The following DIAPH3 variants were observed in gnomAD, a reference collection of about 807,000 sequenced individuals.
The protein encoded by DIAPH3 is diaphanous related formin 3, also known as protein diaphanous homolog 3.
In DIAPH3, 117 loss-of-function variants were observed where a neutral mutation model predicts 144.3. That is an observed-to-expected ratio of 0.81 (90% CI 0.70 to 0.95). The LOEUF is 0.95. DIAPH3 is among the 40% of genes least tolerant of loss of function. DIAPH3 has a pLI of 0.00. For missense variants in DIAPH3, 1,421 were observed against 1,412.7 expected, an observed-to-expected ratio of 1.01 and a Z score of -0.09; for synonymous variants, 519 against 488.9, an observed-to-expected ratio of 1.06 and a Z score of -0.81.
Position 59,765,954 on chromosome 13 carries a change from C to G in DIAPH3, c.3319+8235G>C, listed in dbSNP as rs531904096. ...CTCAGCTGCAGTAGGGTCCCCCATCCCTGCCATAATGCCTACTACAGATGG... is the reference window on the plus strand; with the variant it reads ...CTCAGCTGCAGTAGGGTCCCCCATCGCTGCCATAATGCCTACTACAGATGG... On this transcript the variant is annotated intron_variant, in intron 27 of 27. Coordinates refer to ENST00000400324, the MANE Select transcript of DIAPH3 (RefSeq NM_001042517.2). Among the ~76,000 whole-genome samples, 24 of 152,286 alleles carry G rather than the reference C, an allele frequency of 1.6e-4. 1 individual carries two copies. Among genetic ancestry groups the G allele is most frequent in the Middle Eastern group, 3.4e-3 (1 of 294 alleles).
chr13:60,052,829 G>C lies in DIAPH3; in HGVS notation c.496-10009C>G, dbSNP rs570924873. On this transcript the variant is annotated intron_variant, in intron 4 of 27. Coordinates refer to ENST00000400324, the MANE Select transcript of DIAPH3 (RefSeq NM_001042517.2). ...TACAAAAATTAGCCAGGTTTGGTAG[G>C]ATCCATCTGTAGTCCCAGCTACTTG... 7.3e-5 allele frequency among the ~76,000 whole-genome samples: 11 copies of C among 151,234 alleles called. No individual in the cohort carries two copies. The East Asian group carries it at 1.2e-3, about 16-fold the overall frequency.
At chr13:59,766,254 C>T (rs2037853732) in intron 27 of DIAPH3, among the ~76,000 whole-genome samples, 1 of 152,132 alleles carries the variant, frequency 6.6e-6, no homozygotes. Flanking sequence ...GGCTACTTTT[C>T]TTACCATGGA....
intron 27 of DIAPH3, among the ~76,000 whole-genome samples, chr13:59,667,323 G>A (rs1382084123): frequency 6.6e-6 from 1 of 152,190 alleles, no homozygotes; most frequent in Non-Finnish European, 1.5e-5. Context: ...TAGAATGTGT[G>A]CTCCAAGACA....
intron 7 of DIAPH3, among the ~76,000 whole-genome samples, chr13:60,012,174 T>C (rs2053314172): frequency 6.6e-6 from 1 of 152,234 alleles, no homozygotes; most frequent in Non-Finnish European, 1.5e-5. Flanking sequence ...AAATCCTATT[T>C]ATAACTTTCC....
intron 2 of DIAPH3, among the ~76,000 whole-genome samples, chr13:60,130,442 C>T (rs1420272915): frequency 6.6e-6 from 1 of 152,156 alleles, no homozygotes; most frequent in Non-Finnish European, 1.5e-5. Context: ...CCAGGAGAGA[C>T]AGACGTGTAC....
chr13:59,788,549 G>A (rs2039153254), intron 25 of DIAPH3, among the ~76,000 whole-genome samples: 1 of 152,104 alleles, frequency 6.6e-6, no homozygotes, highest in African/African-American at 2.4e-5. Context: ...TTACATGTGT[G>A]GAAAAACATG....
chr13:59,698,603 G>A (rs533933153), intron 27 of DIAPH3, among the ~76,000 whole-genome samples: 1 of 152,164 alleles, frequency 6.6e-6, no homozygotes, highest in South Asian at 2.1e-4. Flanking sequence ...ATAAATATTA[G>A]AACAAATGTG....
chr13:59,882,456 G>A (rs1352409959), intron 20 of DIAPH3, among the ~76,000 whole-genome samples: 1 of 152,052 alleles, frequency 6.6e-6, no homozygotes, highest in Non-Finnish European at 1.5e-5. Flanking sequence ...GGTTAAGAAG[G>A]GGGAAAATAT....
At chr13:59,790,338 T>C (rs1404521042) in intron 25 of DIAPH3, among the ~76,000 whole-genome samples, 1 of 152,216 alleles carries the variant, frequency 6.6e-6, no homozygotes, top group Admixed American at 6.5e-5. Context: ...CAGAACCATA[T>C]AGATATCACA....
chr13:60,107,721 G>A (rs997428881), intron 3 of DIAPH3, among the ~76,000 whole-genome samples: 1 of 152,122 alleles, frequency 6.6e-6, no homozygotes, highest in East Asian at 1.9e-4. Flanking sequence ...CCCAGTAAAA[G>A]AATAGAACAT....
chr13:59,838,495 T>G (rs2042160151), intron 23 of DIAPH3: 1 of 152,078 alleles, frequency 6.6e-6, no homozygotes, highest in South Asian at 2.1e-4. Context: ...ATAAACTCCA[T>G]TTTGATTTTA....
At chr13:59,951,876 T>C (rs2049115021) in intron 17 of DIAPH3, among the ~76,000 whole-genome samples, 1 of 152,274 alleles carries the variant, frequency 6.6e-6, no homozygotes, top group Non-Finnish European at 1.5e-5. Context: ...TAGCTAAACA[T>C]AGAATTACCA....
chr13:59,867,715 A>G (rs946941109), intron 21 of DIAPH3, among the ~76,000 whole-genome samples: 1 of 152,118 alleles, frequency 6.6e-6, no homozygotes, highest in African/African-American at 2.4e-5. Context: ...TACATTATCT[A>G]CTGCGTTGCA....
At chr13:59,952,648 G>T (rs1223242943) in intron 17 of DIAPH3, among the ~76,000 whole-genome samples, 1 of 152,040 alleles carries the variant, frequency 6.6e-6, no homozygotes, top group African/African-American at 2.4e-5. Flanking sequence ...ATTATTCTCT[G>T]AATTTTTTTA....
At position 59,991,214 on chromosome 13, in the gene DIAPH3, T is replaced by C; in HGVS notation, c.1305A>G (p.Gly435=). The C allele has an allele frequency of 1.2e-6, 2 of 1,611,402 alleles. No homozygotes were observed. Among genetic ancestry groups the C allele is most frequent in the Non-Finnish European group, 1.7e-6 (2 of 1,178,682 alleles). ...GATGCTGAAGAATAGAAATAAAATATCCCTCTGCTCTAGTTTCTTTAACTG... is the reference window on the plus strand; with the variant it reads ...GATGCTGAAGAATAGAAATAAAATACCCCTCTGCTCTAGTTTCTTTAACTG... ...WSTVKETRAE[G]YFISILQHLL... The change falls in exon 12 of 28, where the codon GGA becomes GGG. Residue 435 remains glycine (G), a synonymous_variant. Coordinates refer to ENST00000400324, the MANE Select transcript of DIAPH3 (RefSeq NM_001042517.2).
chr13:59,778,548 G>A (rs2038550631), intron 25 of DIAPH3, among the ~76,000 whole-genome samples: 1 of 152,256 alleles, frequency 6.6e-6, no homozygotes, highest in Non-Finnish European at 1.5e-5. Flanking sequence ...TAGATGGACA[G>A]GGGTCCAGGG....
chr13:59,947,326 A>G (rs1008833769), intron 17 of DIAPH3, among the ~76,000 whole-genome samples: 2 of 152,200 alleles, frequency 1.3e-5, no homozygotes, highest in African/African-American at 4.8e-5. Context: ...AGGAAATGTC[A>G]TTATCACAAA....
intron 3 of DIAPH3, among the ~76,000 whole-genome samples, chr13:60,104,566 G>GCACACACACACACACACACACA (rs10633554): frequency 6.8e-6 from 1 of 147,026 alleles, no homozygotes; most frequent in African/African-American, 2.5e-5. Flanking sequence ...CAGTATCAAG[G>GCACACACACACACACACACACA]CACACACACA....
intron 5 of DIAPH3, among the ~76,000 whole-genome samples, chr13:60,020,684 G>A (rs2053956220): frequency 6.6e-6 from 1 of 152,078 alleles, no homozygotes; most frequent in South Asian, 2.1e-4. Flanking sequence ...TTTATTAAAG[G>A]GCACACTGTA....
Sources: allele counts gnomAD v4.1 joint callset (sites outside exome capture counted in the v4.1 genomes callset), GRCh38; gene constraint gnomAD v4.1.1; transcripts MANE v1.5; gene names NCBI Gene and HGNC (gene_info 2026-07-23, HGNC 2026-07-21).